TBC1D22A: variants seen among roughly 807,000 people sequenced by gnomAD.
TBC1D22A encodes the protein TBC1 domain family member 22A.
TBC1D22A carries 38 observed loss-of-function variants against 60.2 expected under a neutral mutation model. The ratio of observed to expected loss-of-function variants is 0.63; its 90% CI spans 0.49 to 0.83. The LOEUF (loss-of-function observed/expected upper bound fraction) is 0.83. TBC1D22A is among the 40% of genes least tolerant of loss of function. The probability of loss-of-function intolerance (pLI) is 0.00; values close to 1 mark genes in which losing one functional copy is unlikely to be tolerated. For synonymous variants in TBC1D22A, 302 were observed against 281.7 expected, an observed-to-expected ratio of 1.07 and a Z score of -0.72; for missense variants, 628 against 701.0, an observed-to-expected ratio of 0.90 and a Z score of 1.18.
intron 8 of TBC1D22A, among the ~76,000 whole-genome samples, chr22:46,971,596 A>G (rs780944269): frequency 1.3e-5 from 2 of 152,056 alleles, no homozygotes; most frequent in African/African-American, 4.8e-5. Flanking sequence ...CCTCCTGTCT[A>G]TTTGCTTGGC....
chr22:46,802,250 G>A (rs2084930963), intron 4 of TBC1D22A, among the ~76,000 whole-genome samples: 1 of 152,246 alleles, frequency 6.6e-6, no homozygotes, highest in African/African-American at 2.4e-5. Flanking sequence ...CTGCCCTCAA[G>A]GAGCTGACAT....
chr22:46,764,786 G>A (rs1202913069), intron 1 of TBC1D22A, among the ~76,000 whole-genome samples: 2 of 152,214 alleles, frequency 1.3e-5, no homozygotes, highest in Non-Finnish European at 1.5e-5. Flanking sequence ...ACAAGCCAAG[G>A]AAAGCCAGGG....
chr22:46,781,844 G>T (rs1166647248), intron 1 of TBC1D22A, among the ~76,000 whole-genome samples: 1 of 152,212 alleles, frequency 6.6e-6, no homozygotes, highest in East Asian at 1.9e-4. Context: ...AGCCCCGGCT[G>T]TGTGTTTGTA....
chr22:46,811,841 A>T (rs1004264996), intron 4 of TBC1D22A, among the ~76,000 whole-genome samples: 2 of 152,198 alleles, frequency 1.3e-5, no homozygotes, highest in African/African-American at 4.8e-5. Context: ...AGGTGAAGGC[A>T]TTCGATTTGA....
intron 4 of TBC1D22A, among the ~76,000 whole-genome samples, chr22:46,858,815 T>C (rs908565927): frequency 6.6e-6 from 1 of 152,246 alleles, no homozygotes; most frequent in African/African-American, 2.4e-5. Flanking sequence ...TTTTTCCCTC[T>C]ATGAATTGGG....
chr22:46,910,503 G>A (rs976851944), intron 7 of TBC1D22A, among the ~76,000 whole-genome samples: 1 of 152,150 alleles, frequency 6.6e-6, no homozygotes, highest in Non-Finnish European at 1.5e-5. Flanking sequence ...TCCATCTGTC[G>A]GAGCGTGTGT....
intron 8 of TBC1D22A, among the ~76,000 whole-genome samples, chr22:46,936,008 G>C (rs1003264488): frequency 2.0e-5 from 3 of 152,258 alleles, no homozygotes; most frequent in African/African-American, 7.2e-5. Flanking sequence ...GCTGTCACTT[G>C]ATCACTGTCA....
intron 12 of TBC1D22A, among the ~76,000 whole-genome samples, chr22:47,152,979 C>T (rs766385365): frequency 6.6e-6 from 1 of 152,204 alleles, no homozygotes; most frequent in Admixed American, 6.5e-5. Flanking sequence ...AAATCACAGC[C>T]GATTTCATTC....
chr22:46,925,104 G>C (rs1444779856), intron 8 of TBC1D22A, among the ~76,000 whole-genome samples: 3 of 152,198 alleles, frequency 2.0e-5, no homozygotes, highest in African/African-American at 7.2e-5. Flanking sequence ...AGAATGATTT[G>C]TTTTAGCTTT....
Position 46,851,073 on chromosome 22 carries a change from A to C in TBC1D22A, c.638-27580A>C, listed in dbSNP as rs555887979. Reference sequence around the variant, plus strand: ...TGGGGTGATGGAAATGTCGGTGGTAAGGGTCGCACAGGTCTGCATATACTG... The same window carrying C: ...TGGGGTGATGGAAATGTCGGTGGTACGGGTCGCACAGGTCTGCATATACTG... On this transcript the variant is annotated intron_variant, in intron 4 of 12. Transcript: ENST00000337137. Among the ~76,000 whole-genome samples the C allele has an allele frequency of 2.8e-4, 42 of 152,300 alleles. 1 individual carries two copies. In the East Asian group the frequency reaches 6.4e-3, roughly 23 times the overall value.
rs753693435 is a variant in TBC1D22A at position 46,797,475 on chromosome 22, G to A, written c.492G>A (p.Arg164=). ...CCAGCGATGCCGCCCCTCTGCAGAG[G>A]TCCCAGTCTCTCCCACACTCGGCCA... ...ESASDAAPLQ[R]SQSLPHSATV... Residue 164 remains arginine, a synonymous_variant, in exon 4 of 13, where the codon AGG becomes AGA. Coordinates refer to ENST00000337137, the MANE Select transcript of TBC1D22A (RefSeq NM_014346.5). 5.0e-6 allele frequency: 8 copies of A among 1,613,362 alleles called. No homozygotes were observed. In the East Asian group the frequency reaches 1.3e-4, roughly 27 times the overall value.
chr22:46,904,494 A>C (rs2069302784), intron 7 of TBC1D22A, among the ~76,000 whole-genome samples: 2 of 146,314 alleles, frequency 1.4e-5, no homozygotes, highest in South Asian at 4.3e-4. Flanking sequence ...TTTGAGACGG[A>C]GTCTTGCTTT....
chr22:47,155,333 G>T (rs1050145064), intron 12 of TBC1D22A, among the ~76,000 whole-genome samples: 4 of 152,208 alleles, frequency 2.6e-5, no homozygotes, highest in Non-Finnish European at 5.9e-5. Context: ...CGGCGGGCTG[G>T]CCAGCTCTGG....
At chr22:46,908,010 GA>G (rs1313705724) in intron 7 of TBC1D22A, among the ~76,000 whole-genome samples, 2 of 152,246 alleles carry the variant, frequency 1.3e-5, no homozygotes, top group Admixed American at 6.5e-5. Flanking sequence ...GAGGAGGCCA[GA>G]GAGCAGGGAG....
intron 3 of TBC1D22A, among the ~76,000 whole-genome samples, chr22:46,795,658 A>G (rs1256975684): frequency 6.6e-6 from 1 of 152,190 alleles, no homozygotes; most frequent in Admixed American, 6.5e-5. Flanking sequence ...AGTGACAATG[A>G]TACCATATAT....
intron 4 of TBC1D22A, among the ~76,000 whole-genome samples, chr22:46,853,066 C>A (rs944981500): frequency 2.4e-4 from 36 of 152,134 alleles, no homozygotes; most frequent in African/African-American, 8.2e-4. Flanking sequence ...ACTTTGGAGG[C>A]CTTTTAAGAC....
intron 4 of TBC1D22A, among the ~76,000 whole-genome samples, chr22:46,838,953 A>G (rs1313953966): frequency 6.6e-6 from 1 of 152,218 alleles, no homozygotes; most frequent in Non-Finnish European, 1.5e-5. Context: ...GATCTTACAA[A>G]TGCCTTTCCT....
intron 4 of TBC1D22A, among the ~76,000 whole-genome samples, chr22:46,800,204 A>C (rs575146754): frequency 6.6e-6 from 1 of 151,950 alleles, no homozygotes; most frequent in Non-Finnish European, 1.5e-5. Context: ...ATTACAAACA[A>C]CTTGAGAACG....
chr22:46,877,525 G>T (rs12160200), intron 4 of TBC1D22A, among the ~76,000 whole-genome samples: 2 of 152,146 alleles, frequency 1.3e-5, no homozygotes, highest in African/African-American at 4.8e-5. Context: ...TATCCTTAGG[G>T]TACTGGGGAA....
Sources: gnomAD v4.1 joint callset for allele counts (sites outside exome capture counted in the v4.1 genomes callset) on GRCh38, gnomAD v4.1.1 for gene constraint, MANE v1.5 for transcripts, NCBI Gene and HGNC (gene_info 2026-07-23, HGNC 2026-07-21) for gene names.